Variants in OPCML observed in about 807,000 individuals in gnomAD.
OPCML encodes opioid binding protein/cell adhesion molecule like, also known as opioid-binding protein/cell adhesion molecule.
A neutral mutation model predicts 37.8 loss-of-function variants in OPCML; 13 were observed. The observed-to-expected ratio is 0.34, with a 90% CI of 0.22 to 0.55. OPCML has a LOEUF of 0.55. Among genes scored for constraint, OPCML ranks in the 20% least tolerant of loss-of-function variants. The pLI, the probability that OPCML is intolerant of heterozygous loss-of-function variation, is 0.91. For synonymous variants in OPCML, 176 were observed against 168.8 expected (o/e 1.04, Z -0.33); for missense variants, 341 against 435.6 (o/e 0.78, Z 1.93).
intron 2 of OPCML, among the ~76,000 whole-genome samples, chr11:132,828,290 A>T (rs1279908773): frequency 6.6e-6 from 1 of 152,144 alleles, no homozygotes; most frequent in African/African-American, 2.4e-5. Flanking sequence ...GGCCATAACC[A>T]CCCGGTATGA....
intron 1 of OPCML, among the ~76,000 whole-genome samples, chr11:133,028,805 A>G (rs1269548483): frequency 6.6e-6 from 1 of 152,102 alleles, no homozygotes; most frequent in African/African-American, 2.4e-5. Flanking sequence ...CTAGACAAAT[A>G]ATTTATGACT....
intron 1 of OPCML, among the ~76,000 whole-genome samples, chr11:133,254,475 T>C (rs917412241): frequency 7.2e-5 from 11 of 152,164 alleles, no homozygotes; most frequent in African/African-American, 2.7e-4. Context: ...CACTAGTGCT[T>C]CTTCAACCCG....
chr11:132,610,742 C>T (rs1357826588), intron 3 of OPCML, among the ~76,000 whole-genome samples: 1 of 152,142 alleles, frequency 6.6e-6, no homozygotes, highest in South Asian at 2.1e-4. Context: ...AATTACTTCT[C>T]AAATGCAAAG....
chr11:132,720,857 C>T (rs556059051), intron 2 of OPCML, among the ~76,000 whole-genome samples: 2 of 152,240 alleles, frequency 1.3e-5, no homozygotes, highest in South Asian at 4.1e-4. Flanking sequence ...TTCATAACTA[C>T]AATTCAACAC....
At chr11:132,744,268 C>T (rs560261055) in intron 2 of OPCML, among the ~76,000 whole-genome samples, 17 of 152,296 alleles carry the variant, frequency 1.1e-4, no homozygotes, top group East Asian at 5.8e-4. Flanking sequence ...TTTATGCACT[C>T]GCTTGTCCAT....
At chr11:132,683,604 T>C (rs1414713988) in intron 2 of OPCML, among the ~76,000 whole-genome samples, 1 of 152,226 alleles carries the variant, frequency 6.6e-6, no homozygotes, top group Non-Finnish European at 1.5e-5. Flanking sequence ...ACTGTGAGAA[T>C]AAAATGAGAA....
intron 2 of OPCML, among the ~76,000 whole-genome samples, chr11:132,803,046 G>A (rs189280189): frequency 1.5e-4 from 23 of 152,200 alleles, no homozygotes; most frequent in Admixed American, 2.6e-4. Flanking sequence ...AGCAACTGTC[G>A]TTTTCATGTT....
At chr11:132,709,043 A>T (rs1793286) in intron 2 of OPCML, among the ~76,000 whole-genome samples, 82,010 of 151,946 alleles carry the variant, frequency 0.54, 22,250 homozygotes, top group Admixed American at 0.57. Context: ...ACTTAAAGGG[A>T]ATTTCACCAG....
chr11:133,395,458 A>C (rs1945264004), intron 1 of OPCML, among the ~76,000 whole-genome samples: 1 of 152,196 alleles, frequency 6.6e-6, no homozygotes, highest in South Asian at 2.1e-4. Flanking sequence ...GTATTACTGA[A>C]GAAATCTTTG....
chr11:132,568,486 A>G (rs1013363497), intron 3 of OPCML, among the ~76,000 whole-genome samples: 1 of 152,214 alleles, frequency 6.6e-6, no homozygotes, highest in African/African-American at 2.4e-5. Flanking sequence ...GGTAGGTCCT[A>G]ATCCAATAAC....
rs1488393828 is a variant in OPCML at position 133,350,774 on chromosome 11, T to C, written c.61+181490A>G. On this transcript the variant is annotated intron_variant, in intron 1 of 7. Coordinates refer to ENST00000524381, the MANE Select transcript of OPCML (RefSeq NM_001012393.5). ...ATGACAATTGAATGAGTACCTCCTA[T>C]GTACTAGGCATACACACTTGATGAC... Among the ~76,000 whole-genome samples the C allele has an allele frequency of 3.9e-5, 6 of 152,200 alleles. No homozygotes were observed. The East Asian group carries it at 1.2e-3, about 29-fold the overall frequency.
intron 1 of OPCML, among the ~76,000 whole-genome samples, chr11:133,313,665 G>A (rs1471739489): frequency 6.6e-6 from 1 of 152,120 alleles, no homozygotes; most frequent in Non-Finnish European, 1.5e-5. Context: ...GAAGAGGCCA[G>A]GAGCCAGGGA....
At chr11:132,555,929 T>C (rs768027058) in intron 3 of OPCML, among the ~76,000 whole-genome samples, 8 of 151,898 alleles carry the variant, frequency 5.3e-5, no homozygotes, top group Non-Finnish European at 1.0e-4. Flanking sequence ...CGTTTCTTGT[T>C]TCAATAAAAA....
chr11:132,706,964 G>T (rs1944058426), intron 2 of OPCML, among the ~76,000 whole-genome samples: 1 of 152,196 alleles, frequency 6.6e-6, no homozygotes, highest in Non-Finnish European at 1.5e-5. Context: ...ATCCTCATTT[G>T]TCTAAACGTC....
chr11:132,888,963 T>C (rs949796978), intron 2 of OPCML, among the ~76,000 whole-genome samples: 52 of 152,172 alleles, frequency 3.4e-4, no homozygotes, highest in African/African-American at 1.2e-3. Flanking sequence ...CTCTTAGAAA[T>C]CATGCCATTT....
chr11:132,801,763 C>T (rs989416929), intron 2 of OPCML, among the ~76,000 whole-genome samples: 3 of 152,130 alleles, frequency 2.0e-5, no homozygotes, highest in South Asian at 2.1e-4. Context: ...GTCTATTCTC[C>T]GAGCTCTAGG....
intron 2 of OPCML, among the ~76,000 whole-genome samples, chr11:132,694,346 G>A (rs1240774750): frequency 2.0e-5 from 3 of 151,760 alleles, no homozygotes; most frequent in African/African-American, 7.3e-5. Context: ...CTACTGGTGC[G>A]TGCCACCACG....
chr11:132,810,051 A>G (rs1218516711), intron 2 of OPCML, among the ~76,000 whole-genome samples: 8 of 151,932 alleles, frequency 5.3e-5, no homozygotes, highest in Non-Finnish European at 8.8e-5. Context: ...GGATTTCACC[A>G]TGTTGGCCAG....
intron 2 of OPCML, among the ~76,000 whole-genome samples, chr11:132,851,352 T>C (rs915334548): frequency 3.9e-5 from 6 of 152,212 alleles, no homozygotes; most frequent in Non-Finnish European, 5.9e-5. Flanking sequence ...TTTGTAATCC[T>C]ATCTACATGT....
Sources: gnomAD v4.1 joint callset for allele counts (sites outside exome capture counted in the v4.1 genomes callset) on GRCh38, gnomAD v4.1.1 for gene constraint, MANE v1.5 for transcripts, NCBI Gene and HGNC (gene_info 2026-07-23, HGNC 2026-07-21) for gene names.